The following RAI14 variants were observed in gnomAD, a reference collection of about 807,000 sequenced individuals.
RAI14 encodes the protein ankycorbin.
RAI14 carries 45 observed loss-of-function variants against 115.4 expected under a neutral mutation model. The ratio of observed to expected loss-of-function variants is 0.39; its 90% CI spans 0.31 to 0.50. The LOEUF (loss-of-function observed/expected upper bound fraction) is 0.50. RAI14 is among the 20% of genes least tolerant of loss of function. The pLI is 0.85. For synonymous variants in RAI14, 371 were observed against 415.4 expected (o/e 0.89, Z 1.30); for missense variants, 939 against 1,131.2 (o/e 0.83, Z 2.44).
At chr5:34,822,273 T>TATAA (rs1444000889) in intron 14 of RAI14, among the ~76,000 whole-genome samples, 32 of 146,262 alleles carry the variant, frequency 2.2e-4, no homozygotes, top group African/African-American at 7.5e-4. Context: ...TATATATATA[T>TATAA]AAAATATTAT....
Position 34,737,475 on chromosome 5 carries a change from A to G in RAI14, c.37-19993A>G, listed in dbSNP as rs1028971894. On this transcript the variant is annotated intron_variant, in intron 2 of 17. Transcript: ENST00000265109. ...CCACCTTTAGGAGAAAGTTCTTTAGATGTCTTGGCACGGTGGCTTACACCT... is the reference window on the plus strand; with the variant it reads ...CCACCTTTAGGAGAAAGTTCTTTAGGTGTCTTGGCACGGTGGCTTACACCT... 3.9e-5 allele frequency among the ~76,000 whole-genome samples: 6 copies of G among 152,056 alleles called. 1 individual carries two copies. Among genetic ancestry groups the G allele is most frequent in the Non-Finnish European group, 5.9e-5 (4 of 68,010 alleles).
At chr5:34,694,720 G>A (rs756886810) in intron 2 of RAI14, among the ~76,000 whole-genome samples, 6 of 152,144 alleles carry the variant, frequency 3.9e-5, no homozygotes, top group African/African-American at 9.7e-5. Context: ...GGTTTATAAC[G>A]TAAGAATAGA....
intron 2 of RAI14, chr5:34,687,769 G>A (rs1420955639): frequency 6.5e-7 from 1 of 1,535,748 alleles, no homozygotes; most frequent in Non-Finnish European, 8.8e-7. Context: ...TTTCAGGCGA[G>A]GTAATTAAAG....
intron 2 of RAI14, among the ~76,000 whole-genome samples, chr5:34,741,783 A>G (rs1265787034): frequency 6.6e-6 from 1 of 152,202 alleles, no homozygotes; most frequent in Non-Finnish European, 1.5e-5. Context: ...GCAGTGGACA[A>G]GAGTACATCA....
intron 3 of RAI14, among the ~76,000 whole-genome samples, chr5:34,792,280 C>G (rs1034414787): frequency 1.4e-5 from 2 of 138,170 alleles, no homozygotes; most frequent in African/African-American, 5.6e-5. Flanking sequence ...GTCGCCCAGG[C>G]TGGAGTGCAG....
At chr5:34,682,472 T>A (rs1744461576) in intron 1 of RAI14, among the ~76,000 whole-genome samples, 1 of 152,138 alleles carries the variant, frequency 6.6e-6, no homozygotes, top group South Asian at 2.1e-4. Context: ...AAATTCAGGC[T>A]AGGATTGGGA....
Position 34,665,123 on chromosome 5 carries a change from ATGTATGTG to A in RAI14, c.-49+8650_-49+8657del, listed in dbSNP as rs1743049230. Among the ~76,000 whole-genome samples, 14 of 73,032 alleles carry A rather than the reference ATGTATGTG, an allele frequency of 1.9e-4. 3 individuals are homozygous for A. The highest frequency in any genetic ancestry group is 5.6e-4 in the African/African-American group (12 of 21,494). The allele number at this position is 73,032 out of a possible 152,430, so 47.9% of individuals were successfully genotyped here. A position where few individuals can be genotyped will look rare whatever the true frequency, so the allele number is the denominator to read the frequency against. ...TATATGTGTATATATATGTGTATAT[ATGTATGTG>A]TATATATATACACATATATATGTGT... is the stretch of plus-strand genomic sequence containing the variant. On this transcript the variant is annotated intron_variant, in intron 1 of 17. Coordinates refer to ENST00000265109, the MANE Select transcript of RAI14 (RefSeq NM_015577.3).
chr5:34,772,258 A>G (rs564058533), intron 3 of RAI14, among the ~76,000 whole-genome samples: 17 of 152,308 alleles, frequency 1.1e-4, no homozygotes, highest in African/African-American at 4.1e-4. Context: ...CAGTAAAATG[A>G]TAAAGAACCA....
intron 11 of RAI14, among the ~76,000 whole-genome samples, chr5:34,814,229 C>A (rs1178297348): frequency 2.0e-5 from 3 of 151,960 alleles, no homozygotes; most frequent in Non-Finnish European, 2.9e-5. Flanking sequence ...AATTCATAGG[C>A]CATAAAGAGA....
rs745870558 is a variant in RAI14 at position 34,822,943 on chromosome 5, T to A, written c.1114-13T>A. On this transcript the variant is annotated splice_polypyrimidine_tract_variant and intron_variant, in intron 14 of 17. Coordinates refer to ENST00000265109, the MANE Select transcript of RAI14 (RefSeq NM_015577.3). Reference sequence around the variant, plus strand: ...ACCTTTGATATCATTTAATTCTTGCTTTTTTTTCCTAGGCCAAATCACCCA... The same window carrying A: ...ACCTTTGATATCATTTAATTCTTGCATTTTTTTCCTAGGCCAAATCACCCA... 12 of 1,590,338 alleles carry A rather than the reference T, an allele frequency of 7.5e-6. No individual in the cohort carries two copies. Among genetic ancestry groups the A allele is most frequent in the Non-Finnish European group, 1.0e-5 (12 of 1,165,960 alleles).
chr5:34,725,570 G>A (rs916152837), intron 2 of RAI14, among the ~76,000 whole-genome samples: 5 of 151,644 alleles, frequency 3.3e-5, no homozygotes, highest in Admixed American at 1.3e-4. Flanking sequence ...TATTGTAAGC[G>A]CATCAACTCA....
chr5:34,737,481 TG>T (rs1745007623), intron 2 of RAI14, among the ~76,000 whole-genome samples: 2 of 152,028 alleles, frequency 1.3e-5, no homozygotes, highest in Admixed American at 1.3e-4. Flanking sequence ...TTAGATGTCT[TG>T]GCACGGTGGC....
chr5:34,803,689 A>G, intron 4 of RAI14, 23 bp from the exon 5 acceptor site: 9 of 1,570,588 alleles, frequency 5.7e-6, no homozygotes, highest in African/African-American at 1.4e-5. Context: ...AAAAAAAATT[A>G]TTATTTGAAA....
At chr5:34,684,028 G>T (rs1264458505) in intron 1 of RAI14, among the ~76,000 whole-genome samples, 1 of 152,174 alleles carries the variant, frequency 6.6e-6, no homozygotes, top group East Asian at 1.9e-4. Flanking sequence ...TGCCCGGCCG[G>T]CGATTTCCAC....
chr5:34,761,092 A>G (rs1299586358), intron 3 of RAI14, among the ~76,000 whole-genome samples: 1 of 152,222 alleles, frequency 6.6e-6, no homozygotes, highest in Non-Finnish European at 1.5e-5. Context: ...TCTTCATGGT[A>G]GACATATACA....
chr5:34,792,047 T>C (rs1752971769), intron 3 of RAI14, among the ~76,000 whole-genome samples: 1 of 152,172 alleles, frequency 6.6e-6, no homozygotes, highest in Non-Finnish European at 1.5e-5. Flanking sequence ...CGCTAGTGAC[T>C]ATCTCCTCAA....
chr5:34,749,660 A>G (rs1580124199), intron 2 of RAI14, among the ~76,000 whole-genome samples: 1 of 152,234 alleles, frequency 6.6e-6, no homozygotes, highest in Non-Finnish European at 1.5e-5. Context: ...TAGGAAACTT[A>G]CCGGCCAGCC....
At chr5:34,796,079 CA>C in intron 4 of RAI14, 52 bp downstream of exon 4, 1 of 1,405,758 alleles carries the variant, frequency 7.1e-7, no homozygotes, top group Non-Finnish European at 1.0e-6. Flanking sequence ...GATTAGGTAT[CA>C]AAAAGTAATA....
At chr5:34,829,652 G>A (rs750164220) in intron 16 of RAI14, 80 bp from the exon 17 acceptor site, 48 of 1,224,172 alleles carry the variant, frequency 3.9e-5, no homozygotes, top group Non-Finnish European at 5.6e-5. Context: ...GCATTTGGCT[G>A]CAGCTTTCTC....
Sources: allele counts gnomAD v4.1 joint callset (sites outside exome capture counted in the v4.1 genomes callset), GRCh38; gene constraint gnomAD v4.1.1; transcripts MANE v1.5; gene names NCBI Gene and HGNC (gene_info 2026-07-23, HGNC 2026-07-21).